CACNA1C: variants seen among roughly 807,000 people sequenced by gnomAD.
CACNA1C encodes the protein calcium voltage-gated channel subunit alpha1 C.
CACNA1C carries 30 observed loss-of-function variants against 229.0 expected under a neutral mutation model. That is an observed-to-expected ratio of 0.13 (90% confidence interval 0.10 to 0.18). The LOEUF is 0.18. Among genes scored for constraint, CACNA1C ranks in the 10% least tolerant of loss-of-function variants. The probability of loss-of-function intolerance (pLI) is 1.00; values close to 1 mark genes in which losing one functional copy is unlikely to be tolerated. For missense variants in CACNA1C, 1,658 were observed against 2,845.0 expected (o/e 0.58, Z 9.49); for synonymous variants, 1,114 against 1,132.5 (o/e 0.98, Z 0.33).
chr12:2,019,643 T>C (rs1331141010), intron 1 of CACNA1C, among the ~76,000 whole-genome samples: 1 of 152,076 alleles, frequency 6.6e-6, no homozygotes, highest in Non-Finnish European at 1.5e-5. Flanking sequence ...AAAGAAAATC[T>C]AGATGGCTTC....
chr12:2,262,618 C>A (rs1324119490), intron 3 of CACNA1C, among the ~76,000 whole-genome samples: 2 of 152,188 alleles, frequency 1.3e-5, no homozygotes, highest in Non-Finnish European at 2.9e-5. Context: ...CTGTGTGATG[C>A]TGTGGCTGGT....
intron 3 of CACNA1C, among the ~76,000 whole-genome samples, chr12:2,373,286 C>T (rs150943879): frequency 6.6e-6 from 1 of 152,184 alleles, no homozygotes; most frequent in Non-Finnish European, 1.5e-5. Flanking sequence ...TGGCAGGCTC[C>T]GTTCTAGACC....
chr12:2,024,141 T>G (rs2046927387), intron 1 of CACNA1C, among the ~76,000 whole-genome samples: 1 of 152,196 alleles, frequency 6.6e-6, no homozygotes, highest in Non-Finnish European at 1.5e-5. Flanking sequence ...CCAGAGATAT[T>G]TACCTAGATC....
chr12:2,681,853 A>G (rs2097162685), intron 42 of CACNA1C: 1 of 766,234 alleles, frequency 1.3e-6, no homozygotes, highest in Non-Finnish European at 2.3e-6. Context: ...CAAGGTCTAT[A>G]GAAAGCAAGA....
At chr12:2,358,673 C>T (rs977552807) in intron 3 of CACNA1C, among the ~76,000 whole-genome samples, 11 of 152,140 alleles carry the variant, frequency 7.2e-5, no homozygotes, top group African/African-American at 2.7e-4. Flanking sequence ...CTGCACAATC[C>T]AGGTTAACCG....
intron 1 of CACNA1C, among the ~76,000 whole-genome samples, chr12:2,109,715 G>A (rs2080870604): frequency 6.6e-6 from 1 of 152,196 alleles, no homozygotes; most frequent in African/African-American, 2.4e-5. Flanking sequence ...GGCCAAGAGT[G>A]GACTGAGGAA....
At chr12:2,253,382 G>A (rs1322203287) in intron 3 of CACNA1C, among the ~76,000 whole-genome samples, 1 of 152,122 alleles carries the variant, frequency 6.6e-6, no homozygotes, top group East Asian at 1.9e-4. Flanking sequence ...AGTTTATAAG[G>A]GGCAGAAAGG....
intron 38 of CACNA1C, among the ~76,000 whole-genome samples, chr12:2,670,858 A>G (rs2096532320): frequency 6.6e-6 from 1 of 151,960 alleles, no homozygotes; most frequent in Non-Finnish European, 1.5e-5. Flanking sequence ...CATCTGAAAA[A>G]ATAAAATAAA....
At chr12:2,235,932 G>A (rs576255213) in intron 3 of CACNA1C, among the ~76,000 whole-genome samples, 84 of 152,280 alleles carry the variant, frequency 5.5e-4, no homozygotes, top group Non-Finnish European at 1.0e-3. Context: ...TTCATTTGAC[G>A]TTCACAGGAC....
At chr12:2,591,034 G>A (rs2065049339) in intron 18 of CACNA1C, among the ~76,000 whole-genome samples, 1 of 152,134 alleles carries the variant, frequency 6.6e-6, no homozygotes, top group South Asian at 2.1e-4. Flanking sequence ...CCTGTAGACA[G>A]TTTTTCATCT....
chr12:2,176,691 A>C (rs1444310665), intron 3 of CACNA1C, among the ~76,000 whole-genome samples: 1 of 152,124 alleles, frequency 6.6e-6, no homozygotes, highest in East Asian at 1.9e-4. Flanking sequence ...AGCATTCTCG[A>C]GCGCTTCAGG....
chr12:2,354,433 C>T lies in CACNA1C; in HGVS notation c.478-94543C>T, dbSNP rs1201624186. ...AAAACACAGCTAGCCAGGGCTGCAG[C>T]TATGACTGCAGCCTGTAGGGAAACG... On this transcript the variant is annotated intron_variant, in intron 3 of 46. Transcript: ENST00000399655. The surrounding 1 kb of genome is among the most constrained non-coding windows in gnomAD (Gnocchi z 4.6). Among the ~76,000 whole-genome samples the T allele has an allele frequency of 2.6e-5, 4 of 152,146 alleles. 1 individual carries two copies. The highest frequency in any genetic ancestry group is 9.7e-5 in the African/African-American group (4 of 41,442).
intron 3 of CACNA1C, chr12:2,269,631 G>A (rs2083934877): frequency 6.6e-6 from 1 of 152,206 alleles, no homozygotes; most frequent in South Asian, 2.1e-4. Context: ...AGCTGTCCTT[G>A]ACTACGGACA....
chr12:2,673,203 C>T (rs932403242), intron 38 of CACNA1C, among the ~76,000 whole-genome samples: 6 of 151,584 alleles, frequency 4.0e-5, no homozygotes, highest in Admixed American at 1.3e-4. Flanking sequence ...TGGCTGGGCA[C>T]GGTGGCTCAC....
At chr12:2,686,953 C>A (rs777604670) in intron 45 of CACNA1C, among the ~76,000 whole-genome samples, 1 of 152,180 alleles carries the variant, frequency 6.6e-6, no homozygotes. Context: ...AAGTTATACT[C>A]TTTTATAGCA....
chr12:2,656,395 G>A (rs541802867), intron 34 of CACNA1C, among the ~76,000 whole-genome samples: 2 of 152,236 alleles, frequency 1.3e-5, no homozygotes, highest in East Asian at 1.9e-4. Flanking sequence ...GATCTAAACT[G>A]AGAACTCATA....
chr12:2,154,168 T>C (rs951263434), intron 3 of CACNA1C, among the ~76,000 whole-genome samples: 1 of 152,204 alleles, frequency 6.6e-6, no homozygotes, highest in African/African-American at 2.4e-5. Context: ...GGGTTCTTCC[T>C]GACAAAAGGA....
intron 1 of CACNA1C, among the ~76,000 whole-genome samples, chr12:2,019,609 GAAGA>G (rs1016705786): frequency 5.2e-5 from 5 of 95,504 alleles, no homozygotes; most frequent in Admixed American, 4.1e-4. Context: ...AGGAAAGAAA[GAAGA>G]AAGAAAAAGA....
At chr12:2,618,842 A>G (rs1052949430) in intron 29 of CACNA1C, among the ~76,000 whole-genome samples, 2 of 152,152 alleles carry the variant, frequency 1.3e-5, no homozygotes, top group African/African-American at 4.8e-5. Flanking sequence ...TCTTCTAGGA[A>G]CTTGGTTTGT....
Sources: gnomAD v4.1 joint callset for allele counts (sites outside exome capture counted in the v4.1 genomes callset) on GRCh38, gnomAD v4.1.1 for gene constraint, Gnocchi (gnomAD v3.1) non-coding constraint, MANE v1.5 for transcripts, NCBI Gene and HGNC (gene_info 2026-07-23, HGNC 2026-07-21) for gene names.